MTUS2: variants seen among roughly 807,000 people sequenced by gnomAD.
The protein encoded by MTUS2 is microtubule-associated tumor suppressor candidate 2.
A neutral mutation model predicts 114.1 loss-of-function variants in MTUS2; 40 were observed. That is an observed-to-expected ratio of 0.35 (90% CI 0.27 to 0.46). The LOEUF is 0.46. MTUS2 is among the 20% of genes least tolerant of loss of function. MTUS2 has a pLI of 1.00. For synonymous variants in MTUS2, 688 were observed against 672.0 expected (o/e 1.02, Z -0.37); for missense variants, 1,679 against 1,705.4 (o/e 0.98, Z 0.27).
At chr13:29,280,264 A>G (rs956082406) in intron 5 of MTUS2, among the ~76,000 whole-genome samples, 3 of 152,186 alleles carry the variant, frequency 2.0e-5, no homozygotes, top group Admixed American at 6.5e-5. Context: ...GATCCTTTCA[A>G]TGGAGTTTCA....
chr13:28,953,438 C>G (rs645084), intron 2 of MTUS2, among the ~76,000 whole-genome samples: 90,466 of 152,046 alleles, frequency 0.59, 27,033 homozygotes, highest in Middle Eastern at 0.68. Flanking sequence ...GAAATCTGGA[C>G]GTGGAGGTTG....
At chr13:29,119,085 A>G (rs914722224) in intron 5 of MTUS2, among the ~76,000 whole-genome samples, 3 of 152,202 alleles carry the variant, frequency 2.0e-5, no homozygotes, top group Non-Finnish European at 2.9e-5. Context: ...TACGTTTTCT[A>G]TGTATAATAT....
At chr13:29,290,870 A>C (rs1898682940) in intron 6 of MTUS2, among the ~76,000 whole-genome samples, 1 of 152,174 alleles carries the variant, frequency 6.6e-6, no homozygotes, top group African/African-American at 2.4e-5. Flanking sequence ...TAGCACCAAC[A>C]ATGGGCCCAG....
At chr13:28,872,977 A>G (rs1336089374) in intron 2 of MTUS2, among the ~76,000 whole-genome samples, 1 of 152,234 alleles carries the variant, frequency 6.6e-6, no homozygotes, top group Non-Finnish European at 1.5e-5. Context: ...CTAACAGTAA[A>G]TCTGACAGCT....
At position 29,503,568 on chromosome 13, in the gene MTUS2, A is replaced by G. The variant is rs1222306043; in HGVS notation, c.*362A>G. The G allele has an allele frequency of 5.0e-6, 2 of 396,790 alleles. No individual in the cohort carries two copies. The highest frequency in any genetic ancestry group is 9.3e-6 in the Non-Finnish European group (2 of 215,952). The allele number at this position is 396,790 out of a possible 1,614,324, so 24.6% of individuals were successfully genotyped here. ...ACTGCACCGATATGTGTGTATATTT[A>G]GATATACGTATATACACATGCTGCG... is the stretch of plus-strand genomic sequence containing the variant. On this transcript the variant is annotated 3_prime_UTR_variant, in exon 16 of 16. Coordinates refer to ENST00000612955, the MANE Select transcript of MTUS2 (RefSeq NM_001033602.4).
chr13:29,384,483 A>G (rs1272088865), intron 8 of MTUS2, among the ~76,000 whole-genome samples: 2 of 152,214 alleles, frequency 1.3e-5, no homozygotes, highest in Non-Finnish European at 2.9e-5. Flanking sequence ...AGGAAACCCA[A>G]ACAGGCCATG....
chr13:29,094,072 A>G (rs991058442), intron 4 of MTUS2, among the ~76,000 whole-genome samples: 2 of 152,124 alleles, frequency 1.3e-5, no homozygotes, highest in Admixed American at 6.5e-5. Flanking sequence ...TGATCATGGT[A>G]TATAATATTT....
Position 29,100,892 on chromosome 13 carries a change from C to A in MTUS2, c.2566C>A (p.Arg856=). ...AAKLAAFGFV[R]SSSVSSVSST... ...CAAACTGGCGGCATTTGGCTTTGTCCGGAGCTCCAGCGTCTCCTCAGTCTC... is the reference window on the plus strand; with the variant it reads ...CAAACTGGCGGCATTTGGCTTTGTCAGGAGCTCCAGCGTCTCCTCAGTCTC... Residue 856 remains arginine, a synonymous_variant, in exon 5 of 16, where the codon CGG becomes AGG. Transcript: ENST00000612955. 6.4e-7 allele frequency: 1 copy of A among 1,567,950 alleles called. No individual in the cohort carries two copies. The highest frequency in any genetic ancestry group is 2.4e-5 in the East Asian group (1 of 42,244).
chr13:29,209,685 G>T (rs1424962555), intron 5 of MTUS2, among the ~76,000 whole-genome samples: 1 of 151,992 alleles, frequency 6.6e-6, no homozygotes. Flanking sequence ...TTTCATTTAT[G>T]AAGCTTAGTT....
intron 2 of MTUS2, among the ~76,000 whole-genome samples, chr13:29,013,773 C>CACAG (rs1885951054): frequency 6.6e-6 from 1 of 152,084 alleles, no homozygotes; most frequent in South Asian, 2.1e-4. Flanking sequence ...AAACTATCCA[C>CACAG]ACACACACAC....
chr13:28,956,816 A>G (rs1883090208), intron 2 of MTUS2, among the ~76,000 whole-genome samples: 1 of 151,524 alleles, frequency 6.6e-6, no homozygotes, highest in African/African-American at 2.4e-5. Context: ...AGCTGGCGGA[A>G]AGGAAGTGTG....
chr13:29,130,608 C>T (rs1370845719), intron 5 of MTUS2, among the ~76,000 whole-genome samples: 5 of 152,072 alleles, frequency 3.3e-5, no homozygotes, highest in African/African-American at 1.2e-4. Context: ...TATTCAATTT[C>T]TACACATTTA....
intron 2 of MTUS2, among the ~76,000 whole-genome samples, chr13:28,949,446 T>A (rs577558595): frequency 1.3e-5 from 2 of 152,372 alleles, no homozygotes; most frequent in South Asian, 4.1e-4. Context: ...TCTCATAATG[T>A]TTTGAAAATA....
intron 6 of MTUS2, among the ~76,000 whole-genome samples, chr13:29,298,393 T>C (rs1359056299): frequency 1.3e-5 from 2 of 152,226 alleles, no homozygotes; most frequent in African/African-American, 4.8e-5. Context: ...TTTTGCTTCT[T>C]GAAAAATAAA....
At chr13:29,192,289 G>T (rs1303283518) in intron 5 of MTUS2, among the ~76,000 whole-genome samples, 3 of 152,182 alleles carry the variant, frequency 2.0e-5, no homozygotes, top group Non-Finnish European at 2.9e-5. Flanking sequence ...TCTGTTCAAA[G>T]CATGAAACTT....
At chr13:29,166,885 A>G (rs1455012009) in intron 5 of MTUS2, among the ~76,000 whole-genome samples, 1 of 152,210 alleles carries the variant, frequency 6.6e-6, no homozygotes, top group Non-Finnish European at 1.5e-5. Context: ...TTTAAAGTAA[A>G]TGTATTTCGG....
intron 8 of MTUS2, among the ~76,000 whole-genome samples, chr13:29,438,630 T>C (rs1877599405): frequency 6.6e-6 from 1 of 152,116 alleles, no homozygotes; most frequent in African/African-American, 2.4e-5. Context: ...ATCATCAGCT[T>C]GGAGGTGAGG....
chr13:29,069,517 C>CTT lies in MTUS2; in HGVS notation c.2447-31255_2447-31254insTT, dbSNP rs527763872. Reference sequence around the variant, plus strand: ...CAACCAATTCAAATGCTAATATCTTCTAAAAACACCCTCACAGACACACCA... The same window carrying CTT: ...CAACCAATTCAAATGCTAATATCTTCTTTAAAAACACCCTCACAGACACACCA... On this transcript the variant is annotated intron_variant, in intron 4 of 15. Transcript: ENST00000612955. 2.2e-3 allele frequency among the ~76,000 whole-genome samples: 333 copies of CTT among 152,320 alleles called. 3 individuals are homozygous for CTT. Among genetic ancestry groups the CTT allele is most frequent in the Non-Finnish European group, 3.6e-3 (242 of 68,034 alleles).
At chr13:28,861,621 C>T (rs1416602958) in intron 2 of MTUS2, among the ~76,000 whole-genome samples, 5 of 152,126 alleles carry the variant, frequency 3.3e-5, no homozygotes. Context: ...GAATATTTGT[C>T]ACCAATCAGG....
Sources: gnomAD v4.1 joint callset for allele counts (sites outside exome capture counted in the v4.1 genomes callset) on GRCh38, gnomAD v4.1.1 for gene constraint, MANE v1.5 for transcripts, NCBI Gene and HGNC (gene_info 2026-07-23, HGNC 2026-07-21) for gene names.